PPTC7: variants seen among roughly 807,000 people sequenced by gnomAD.
PPTC7 encodes protein phosphatase targeting COQ7.
In PPTC7, 6 loss-of-function variants were observed where a neutral mutation model predicts 30.8. The observed-to-expected ratio is 0.19, with a 90% CI of 0.11 to 0.38. The LOEUF (loss-of-function observed/expected upper bound fraction) is 0.38, where lower values mean the gene tolerates loss of function less well. Among genes scored for constraint, PPTC7 ranks in the 10% least tolerant of loss-of-function variants. The pLI is 1.00. For missense variants in PPTC7, 218 were observed against 404.8 expected, an observed-to-expected ratio of 0.54 and a Z score of 3.96; for synonymous variants, 163 against 168.1, an observed-to-expected ratio of 0.97 and a Z score of 0.23.
chr12:110,540,806 C>T (rs1229446664), intron 3 of PPTC7, among the ~76,000 whole-genome samples: 6 of 150,442 alleles, frequency 4.0e-5, no homozygotes, highest in Non-Finnish European at 7.4e-5. Context: ...GACAGAGTCT[C>T]GCTCTGTCGC....
At chr12:110,581,494 C>T (rs543084311) in intron 1 of PPTC7, among the ~76,000 whole-genome samples, 1 of 152,084 alleles carries the variant, frequency 6.6e-6, no homozygotes, top group African/African-American at 2.4e-5. Context: ...CCACTGACAG[C>T]TGACTTCGGG....
intron 1 of PPTC7, among the ~76,000 whole-genome samples, chr12:110,572,553 C>T (rs759527666): frequency 6.6e-6 from 1 of 152,202 alleles, no homozygotes; most frequent in Non-Finnish European, 1.5e-5. Context: ...ACAGTGCAAA[C>T]GTGTGTTGGA....
At chr12:110,543,469 G>T (rs1593145063) in intron 3 of PPTC7, among the ~76,000 whole-genome samples, 2 of 152,000 alleles carry the variant, frequency 1.3e-5, no homozygotes, top group Admixed American at 1.3e-4. Flanking sequence ...TGTAAAACTG[G>T]GGGAAATCAG....
chr12:110,553,808 G>A (rs2064366672), intron 1 of PPTC7, among the ~76,000 whole-genome samples: 1 of 152,124 alleles, frequency 6.6e-6, no homozygotes, highest in African/African-American at 2.4e-5. Flanking sequence ...GAATATTTTA[G>A]ATATAATGCA....
At position 110,582,837 on chromosome 12, in the gene PPTC7, C is replaced by T. The variant is rs746477246; in HGVS notation, c.195G>A (p.Val65=). 3 of 1,563,646 alleles carry T rather than the reference C, an allele frequency of 1.9e-6. No homozygotes were observed. The highest frequency in any genetic ancestry group is 2.6e-6 in the Non-Finnish European group (3 of 1,154,290). ...GCACGTCCGCGGAACGGTGCCGGGCCACGAAGCACGCGTCGTCCCCGTAGC... is the reference window on the plus strand; with the variant it reads ...GCACGTCCGCGGAACGGTGCCGGGCTACGAAGCACGCGTCGTCCCCGTAGC... ...GACYGDDACF[V]ARHRSADVLG... is the part of the protein sequence containing the mutation. The change falls in exon 1 of 6, where the codon GTG becomes GTA. Residue 65 remains valine (V), a synonymous_variant. Coordinates refer to ENST00000354300, the MANE Select transcript of PPTC7 (RefSeq NM_139283.2).
chr12:110,550,840 A>C (rs1350271383), intron 2 of PPTC7, among the ~76,000 whole-genome samples: 1 of 152,212 alleles, frequency 6.6e-6, no homozygotes, highest in African/African-American at 2.4e-5. Flanking sequence ...GGGTGACCAA[A>C]CACAACTTGA....
chr12:110,579,340 CT>C (rs918242206), intron 1 of PPTC7, among the ~76,000 whole-genome samples: 41 of 152,326 alleles, frequency 2.7e-4, no homozygotes, highest in African/African-American at 8.2e-4. Context: ...TTCACTGCCC[CT>C]ATCCCCCACC....
chr12:110,535,180 G>C lies in PPTC7; in HGVS notation c.*1857C>G, dbSNP rs1386372078. ...GCATGATGATTTCTCCTTAAATAGA[G>C]ACTCCGTCCAGACCCCCCACCCCGC... On this transcript the variant is annotated 3_prime_UTR_variant, in exon 6 of 6. Coordinates refer to ENST00000354300, the MANE Select transcript of PPTC7 (RefSeq NM_139283.2). 1.3e-5 allele frequency: 2 copies of C among 152,446 alleles called. No individual in the cohort carries two copies. The highest frequency in any genetic ancestry group is 2.9e-5 in the Non-Finnish European group (2 of 67,998). The allele number at this position is 152,446 out of a possible 1,614,324, so 9.4% of individuals were successfully genotyped here. A position where few individuals can be genotyped will look rare whatever the true frequency, so the allele number is the denominator to read the frequency against.
chr12:110,538,378 A>G, intron 4 of PPTC7, 105 bp from the exon 5 acceptor site: 2 of 1,093,386 alleles, frequency 1.8e-6, no homozygotes, highest in Non-Finnish European at 2.7e-6. Context: ...TAGAAAAGAC[A>G]TTAAAACATC....
Position 110,555,377 on chromosome 12 carries a change from G to A in PPTC7, c.224-3409C>T, listed in dbSNP as rs114339033. 4.6e-3 allele frequency among the ~76,000 whole-genome samples: 706 copies of A among 152,288 alleles called. 3 individuals carry two copies. The highest frequency in any genetic ancestry group is 0.017 in the African/African-American group (687 of 41,554). ...TCAAAATATTTAAGGGGTTGAAGGG[G>A]GAGTGACAGAAGCACAGATGAAAGA... On this transcript the variant is annotated intron_variant, in intron 1 of 5. Transcript: ENST00000354300.
intron 1 of PPTC7, among the ~76,000 whole-genome samples, chr12:110,563,833 G>A (rs1487154185): frequency 1.3e-5 from 2 of 152,184 alleles, no homozygotes; most frequent in African/African-American, 4.8e-5. Context: ...ATTAACTAGA[G>A]AAGATAATTT....
At position 110,544,125 on chromosome 12, in the gene PPTC7, G is replaced by A. The variant is rs908247791; in HGVS notation, c.602+1755C>T. Among the ~76,000 whole-genome samples the A allele has an allele frequency of 5.3e-5, 8 of 152,084 alleles. No homozygotes were observed. In the South Asian group the frequency reaches 1.2e-3, roughly 24 times the overall value. On this transcript the variant is annotated intron_variant, in intron 3 of 5. Transcript: ENST00000354300. ...AATACTCTTCCAATTATGGTCACCC[G>A]CCTACTTTTACTTTTTACTTTTGGA...
chr12:110,571,265 C>A (rs1413573267), intron 1 of PPTC7, among the ~76,000 whole-genome samples: 1 of 151,780 alleles, frequency 6.6e-6, no homozygotes, highest in African/African-American at 2.4e-5. Flanking sequence ...CAAGCTATTT[C>A]AAATAATAGA....
At position 110,580,640 on chromosome 12, in the gene PPTC7, T is replaced by C. The variant is rs548219240; in HGVS notation, c.223+2169A>G. ...CAGGCGTGAGCCACCACGCCCGGTC[T>C]AGCCTTCCAAAATTTTAAAATCAAG... On this transcript the variant is annotated intron_variant, in intron 1 of 5. Transcript: ENST00000354300. Among the ~76,000 whole-genome samples, 3 of 151,358 alleles carry C rather than the reference T, an allele frequency of 2.0e-5. No individual in the cohort carries two copies. The South Asian group carries it at 6.3e-4, about 32-fold the overall frequency.
At chr12:110,537,342 T>C (rs1368071408) in intron 5 of PPTC7, among the ~76,000 whole-genome samples, 1 of 152,160 alleles carries the variant, frequency 6.6e-6, no homozygotes, top group Non-Finnish European at 1.5e-5. Flanking sequence ...ACAGGAGCTC[T>C]ATTCAAACAG....
intron 4 of PPTC7, 81 bp downstream of exon 4, chr12:110,539,741 G>C (rs1436234542): frequency 5.4e-6 from 7 of 1,287,612 alleles, no homozygotes; most frequent in Non-Finnish European, 7.6e-6. Flanking sequence ...AAACTACAAA[G>C]AGATAATGCA....
At chr12:110,580,635 C>T (rs1021121845) in intron 1 of PPTC7, among the ~76,000 whole-genome samples, 6 of 152,160 alleles carry the variant, frequency 3.9e-5, no homozygotes, top group Admixed American at 6.5e-5. Context: ...CCACCACGCC[C>T]GGTCTAGCCT....
At chr12:110,572,580 T>C (rs752750966) in intron 1 of PPTC7, among the ~76,000 whole-genome samples, 7 of 152,142 alleles carry the variant, frequency 4.6e-5, no homozygotes, top group Admixed American at 2.0e-4. Context: ...CAAGTAAAAA[T>C]AGTACTGGGC....
intron 3 of PPTC7, 48 bp from the exon 4 acceptor site, chr12:110,539,993 A>T (rs376685343): frequency 1.3e-6 from 2 of 1,581,372 alleles, no homozygotes; most frequent in Non-Finnish European, 1.7e-6. Context: ...CCCTTTACAG[A>T]TGAGTTGAAA....
Sources: allele counts gnomAD v4.1 joint callset (sites outside exome capture counted in the v4.1 genomes callset), GRCh38; gene constraint gnomAD v4.1.1; transcripts MANE v1.5; gene names NCBI Gene and HGNC (gene_info 2026-07-23, HGNC 2026-07-21).